EGFR: variants seen among roughly 807,000 people sequenced by gnomAD.
The protein encoded by EGFR is epidermal growth factor receptor.
Under a neutral mutation model 143.0 loss-of-function variants are expected in EGFR, and 58 were observed. That is an observed-to-expected ratio of 0.41 (90% CI 0.33 to 0.50). The LOEUF (loss-of-function observed/expected upper bound fraction) is 0.50. Among genes scored for constraint, EGFR ranks in the 20% least tolerant of loss-of-function variants. The pLI is 0.39. For synonymous variants in EGFR, 613 were observed against 594.4 expected (o/e 1.03, Z -0.45); for missense variants, 1,307 against 1,579.0 (o/e 0.83, Z 2.92).
At chr7:55,140,777 A>T (rs1241311115) in intron 1 of EGFR, among the ~76,000 whole-genome samples, 2 of 152,228 alleles carry the variant, frequency 1.3e-5, no homozygotes, top group African/African-American at 4.8e-5. Flanking sequence ...CATGGTTCCC[A>T]TGTGAAAGCT....
At chr7:55,092,703 G>A (rs946963816) in intron 1 of EGFR, among the ~76,000 whole-genome samples, 3 of 152,204 alleles carry the variant, frequency 2.0e-5, no homozygotes, top group Non-Finnish European at 4.4e-5. Flanking sequence ...AGATGTCACC[G>A]AGCACCATGA....
rs1401975844 is a variant in EGFR, at chr7:55,166,934, G to A, written c.1880+1497G>A. On this transcript the variant is annotated intron_variant, in intron 15 of 27. Coordinates refer to ENST00000275493, the MANE Select transcript of EGFR (RefSeq NM_005228.5). Reference sequence around the variant, plus strand: ...TCACAATGTTGGTGGTGTTGATGGTGGTGATGGTGATGAGGAGGTGGGAGT... The same window carrying A: ...TCACAATGTTGGTGGTGTTGATGGTAGTGATGGTGATGAGGAGGTGGGAGT... Among the ~76,000 whole-genome samples, 5 of 139,722 alleles carry A rather than the reference G, an allele frequency of 3.6e-5. 1 individual carries two copies. Among genetic ancestry groups the A allele is most frequent in the Non-Finnish European group, 6.1e-5 (4 of 65,314 alleles). 91.7% of individuals were successfully genotyped at this position (139,722 alleles called of 152,430 possible).
chr7:55,084,072 A>G (rs1270637013), intron 1 of EGFR, among the ~76,000 whole-genome samples: 1 of 152,262 alleles, frequency 6.6e-6, no homozygotes, highest in African/African-American at 2.4e-5. Flanking sequence ...TATGAAAGAT[A>G]GAGATTGGCT....
In EGFR at chr7:55,041,169, T is replaced by C. The variant is rs540471625; in HGVS notation, c.88+21804T>C. Among the ~76,000 whole-genome samples, 38 of 152,292 alleles carry C rather than the reference T, an allele frequency of 2.5e-4. No homozygotes were observed. The South Asian group carries it at 7.7e-3, about 31-fold the overall frequency. ...GGCTCATGCCTTTAATCCCAGCACT[T>C]TGGGAGTCTGAGGCGGGTGGATCAC... On this transcript the variant is annotated intron_variant, in intron 1 of 27. Coordinates refer to ENST00000275493, the MANE Select transcript of EGFR (RefSeq NM_005228.5).
chr7:55,168,619 T>C (rs2128949566), intron 15 of EGFR: 1 of 1,587,638 alleles, frequency 6.3e-7, no homozygotes, highest in Non-Finnish European at 8.6e-7. Context: ...AATAAAGTCC[T>C]GACACTATTC....
intron 1 of EGFR, among the ~76,000 whole-genome samples, chr7:55,131,593 C>A (rs1404644012): frequency 1.3e-5 from 2 of 152,182 alleles, no homozygotes; most frequent in Non-Finnish European, 2.9e-5. Context: ...GCGGCTTGGG[C>A]CCCTCGGACA....
chr7:55,142,696 C>T (rs767652095), intron 2 of EGFR, among the ~76,000 whole-genome samples: 15 of 152,202 alleles, frequency 9.9e-5, no homozygotes, highest in Non-Finnish European at 1.8e-4. Flanking sequence ...CTGACCATTA[C>T]CTCAGTCATG....
intron 1 of EGFR, among the ~76,000 whole-genome samples, chr7:55,033,610 C>G (rs549963186): frequency 2.6e-4 from 39 of 152,270 alleles, no homozygotes; most frequent in African/African-American, 7.2e-4. Flanking sequence ...CTAGGGGAGG[C>G]GGGCCTGGGC....
intron 1 of EGFR, among the ~76,000 whole-genome samples, chr7:55,040,982 A>G (rs537258325): frequency 6.6e-6 from 1 of 152,368 alleles, no homozygotes; most frequent in South Asian, 2.1e-4. Flanking sequence ...TGACAACTTG[A>G]TGATCTTTCC....
chr7:55,088,504 T>A (rs770118116), intron 1 of EGFR, among the ~76,000 whole-genome samples: 1 of 152,030 alleles, frequency 6.6e-6, no homozygotes, highest in South Asian at 2.1e-4. Context: ...AATTCCAGAG[T>A]GATTTTAAAG....
intron 1 of EGFR, among the ~76,000 whole-genome samples, chr7:55,093,311 T>C (rs1321280471): frequency 6.6e-6 from 1 of 152,170 alleles, no homozygotes; most frequent in Non-Finnish European, 1.5e-5. Context: ...ATGAAAATCA[T>C]TTTTCTGTGC....
At chr7:55,190,745 C>T (rs1045777038) in intron 20 of EGFR, among the ~76,000 whole-genome samples, 2 of 152,160 alleles carry the variant, frequency 1.3e-5, no homozygotes, top group Non-Finnish European at 2.9e-5. Context: ...GGTGGCCCAC[C>T]CTCTTGGTGG....
chr7:55,194,474 C>T (rs1337864150), intron 22 of EGFR, among the ~76,000 whole-genome samples: 2 of 152,164 alleles, frequency 1.3e-5, no homozygotes, highest in Non-Finnish European at 2.9e-5. Context: ...GATCTGCCCG[C>T]CTCGGCCTCC....
chr7:55,192,664 C>T (rs751894335), intron 21 of EGFR, 102 bp from the exon 22 acceptor site: 2 of 1,069,248 alleles, frequency 1.9e-6, no homozygotes, highest in African/African-American at 3.1e-5. Flanking sequence ...TGATCTGGCT[C>T]GTCTGTGTGT....
intron 1 of EGFR, among the ~76,000 whole-genome samples, chr7:55,054,685 G>A (rs1788687933): frequency 6.6e-6 from 1 of 152,240 alleles, no homozygotes; most frequent in Non-Finnish European, 1.5e-5. Context: ...TGCAGAATGT[G>A]TGAAACCTGC....
At chr7:55,055,700 G>A (rs1159615832) in intron 1 of EGFR, among the ~76,000 whole-genome samples, 2 of 120,392 alleles carry the variant, frequency 1.7e-5, no homozygotes, top group Non-Finnish European at 3.4e-5. Flanking sequence ...TCTCCCTCTT[G>A]CACGCACACA....
In EGFR at chr7:55,205,818, CTG is replaced by C; in HGVS notation, c.*204_*205del. 1.4e-6 allele frequency: 1 copy of C among 696,890 alleles called. No individual in the cohort carries two copies. The highest frequency in any genetic ancestry group is 2.4e-6 in the Non-Finnish European group (1 of 417,252). 43.2% of individuals were successfully genotyped at this position (696,890 alleles called of 1,614,324 possible). A position where few individuals can be genotyped will look rare whatever the true frequency, so the allele number is the denominator to read the frequency against. On this transcript the variant is annotated 3_prime_UTR_variant, in exon 28 of 28. Transcript: ENST00000275493. ...GAAGTTGCATTCCTTTGTCTTCAAA[CTG>C]TGAAGCATTTACAGAAACGCATCCA...
intron 4 of EGFR, among the ~76,000 whole-genome samples, chr7:55,148,324 A>T (rs1328531171): frequency 1.3e-5 from 2 of 152,068 alleles, no homozygotes; most frequent in Non-Finnish European, 2.9e-5. Context: ...TTTGCCATGG[A>T]TCAGGTCAGG....
chr7:55,059,572 T>G (rs999424797), intron 1 of EGFR, among the ~76,000 whole-genome samples: 3 of 152,094 alleles, frequency 2.0e-5, no homozygotes, highest in South Asian at 2.1e-4. Flanking sequence ...CATTACTATA[T>G]CACGCAGAGT....
Sources: gnomAD v4.1 joint callset for allele counts (sites outside exome capture counted in the v4.1 genomes callset) on GRCh38, gnomAD v4.1.1 for gene constraint, MANE v1.5 for transcripts, NCBI Gene and HGNC (gene_info 2026-07-23, HGNC 2026-07-21) for gene names.